ATP8A1: variants seen among roughly 807,000 people sequenced by gnomAD.
The protein encoded by ATP8A1 is phospholipid-transporting ATPase IA.
Under a neutral mutation model 177.7 loss-of-function variants are expected in ATP8A1, and 90 were observed. That is an observed-to-expected ratio of 0.51 (90% CI 0.43 to 0.60). The LOEUF is 0.60. Ranked by LOEUF, ATP8A1 falls within the 20% of genes least tolerant of loss-of-function variation. The probability of loss-of-function intolerance (pLI) is 0.00; values close to 1 mark genes in which losing one functional copy is unlikely to be tolerated. For missense variants in ATP8A1, 1,072 were observed against 1,392.8 expected, an observed-to-expected ratio of 0.77 and a Z score of 3.67; for synonymous variants, 493 against 485.9, an observed-to-expected ratio of 1.01 and a Z score of -0.19.
intron 9 of ATP8A1, among the ~76,000 whole-genome samples, chr4:42,582,444 A>C (rs749556699): frequency 6.6e-6 from 1 of 151,838 alleles, no homozygotes; most frequent in Non-Finnish European, 1.5e-5. Flanking sequence ...GGGGATAAGG[A>C]ATCTGTCTAC....
At chr4:42,454,825 C>T (rs940829468) in intron 29 of ATP8A1, among the ~76,000 whole-genome samples, 1 of 152,094 alleles carries the variant, frequency 6.6e-6, no homozygotes, top group Non-Finnish European at 1.5e-5. Flanking sequence ...CACAATCAAT[C>T]TAAAATTCTA....
Position 42,586,420 on chromosome 4 carries a change from G to C in ATP8A1, c.651C>G (p.Gly217=). The part of the protein sequence containing the change: ...KDVDSLMRIS[G]RIECESPNRH... Reference sequence around the variant, plus strand: ...TGTTTGGACTTTCACACTCAATTCTGCCAGAAATCCTCATCAAACTGTCAA... The same window carrying C: ...TGTTTGGACTTTCACACTCAATTCTCCCAGAAATCCTCATCAAACTGTCAA... The change falls in exon 9 of 37, where the codon GGC becomes GGG. Residue 217 remains glycine, a synonymous_variant. Coordinates refer to ENST00000381668, the MANE Select transcript of ATP8A1 (RefSeq NM_006095.2). The C allele has an allele frequency of 6.2e-7, 1 of 1,614,036 alleles. No individual in the cohort carries two copies. The highest frequency in any genetic ancestry group is 8.5e-7 in the Non-Finnish European group (1 of 1,179,938).
rs1357649471 is a variant in ATP8A1 at position 42,600,495 on chromosome 4, T to C, written c.433A>G (p.Ile145Val). Residue 145 changes from isoleucine to valine, a missense_variant, in exon 6 of 37, where the codon ATT becomes GTT. By Grantham distance (29) the Ile-to-Val change is conservative (BLOSUM62 3). This residue lies in a region of ATP8A1 where 344 missense variants were observed against 393.5 expected (regional missense o/e 0.87). Transcript: ENST00000381668. ...TQVLRNGAWE[I>V]VHWEKVAVGE... ...GTGCATACCTTTTCCCAGTGGACAATTTCCCAAGCACCATTTCTCAAAACT... is the reference window on the plus strand; with the variant it reads ...GTGCATACCTTTTCCCAGTGGACAACTTCCCAAGCACCATTTCTCAAAACT... 2 of 1,610,366 alleles carry C rather than the reference T, an allele frequency of 1.2e-6. No homozygotes were observed. The highest frequency in any genetic ancestry group is 1.7e-6 in the Non-Finnish European group (2 of 1,178,632).
rs373047360 is a variant in ATP8A1 at position 42,553,227 on chromosome 4, G to A, written c.1414-617C>T. On this transcript the variant is annotated intron_variant, in intron 16 of 36. Coordinates refer to ENST00000381668, the MANE Select transcript of ATP8A1 (RefSeq NM_006095.2). ...AAGGCAGATGTAGCTGAATCTTGTCGTTGGAGGACAGGATAAAAATTCGAA... is the reference window on the plus strand; with the variant it reads ...AAGGCAGATGTAGCTGAATCTTGTCATTGGAGGACAGGATAAAAATTCGAA... 3.9e-4 allele frequency among the ~76,000 whole-genome samples: 59 copies of A among 152,292 alleles called. 1 individual carries two copies. The South Asian group carries it at 7.5e-3, about 19-fold the overall frequency.
intron 36 of ATP8A1, among the ~76,000 whole-genome samples, 156 bp downstream of exon 36, chr4:42,414,471 C>A (rs1485513681): frequency 6.6e-6 from 1 of 152,122 alleles, no homozygotes; most frequent in Non-Finnish European, 1.5e-5. Flanking sequence ...ATGGTTCTGA[C>A]CAATGGATTT....
rs1268066429 is a variant in ATP8A1, at chr4:42,575,621, C to G, written c.1206+1G>C. The stretch of plus-strand genomic sequence containing the variant: ...CATAATCAACAATAAATTGAGTTTA[C>G]CTGGCCAAGTTCCTCATTCAGATTA... On this transcript the variant is annotated splice_donor_variant, in intron 13 of 36. Transcript: ENST00000381668. LOFTEE classifies it high-confidence loss of function. 1.9e-6 allele frequency: 3 copies of G among 1,612,828 alleles called. No individual in the cohort carries two copies. The highest frequency in any genetic ancestry group is 2.7e-5 in the African/African-American group (2 of 74,978).
intron 29 of ATP8A1, among the ~76,000 whole-genome samples, chr4:42,453,366 C>T (rs557780374): frequency 3.9e-5 from 6 of 152,272 alleles, no homozygotes; most frequent in South Asian, 4.1e-4. Context: ...ACTGAAATCA[C>T]TAGAAAAATC....
chr4:42,653,715 A>T (rs529961701), intron 1 of ATP8A1, among the ~76,000 whole-genome samples: 2 of 152,346 alleles, frequency 1.3e-5, no homozygotes, highest in Admixed American at 6.5e-5. Flanking sequence ...TAAATAAGAA[A>T]TTAGATTCAA....
At chr4:42,614,400 T>C (rs763438903) in intron 5 of ATP8A1, among the ~76,000 whole-genome samples, 2 of 152,230 alleles carry the variant, frequency 1.3e-5, no homozygotes, top group Non-Finnish European at 2.9e-5. Flanking sequence ...TTACTGAATA[T>C]TCTGAGCAAT....
intron 22 of ATP8A1, among the ~76,000 whole-genome samples, chr4:42,514,716 A>ATCTGTAAGTTTTG (rs1560410405): frequency 6.6e-6 from 1 of 152,170 alleles, no homozygotes; most frequent in African/African-American, 2.4e-5. Context: ...TAACTTACAG[A>ATCTGTAAGTTTTG]TTATTAGCAT....
chr4:42,435,186 G>A (rs1271127895), intron 33 of ATP8A1, among the ~76,000 whole-genome samples: 1 of 152,106 alleles, frequency 6.6e-6, no homozygotes, highest in Non-Finnish European at 1.5e-5. Flanking sequence ...AGCACTTTGG[G>A]AGGCCAAGAT....
chr4:42,600,545 A>C (rs1735143407), intron 5 of ATP8A1, 27 bp from the exon 6 acceptor site: 2 of 1,602,148 alleles, frequency 1.2e-6, no homozygotes, highest in African/African-American at 2.7e-5. Context: ...TGACATTTTA[A>C]ACAACATGTT....
In ATP8A1 at chr4:42,637,158, C is replaced by T. The variant is rs7695316; in HGVS notation, c.50-10049G>A. ...TCCCTGTACCTCAACCGCTAGCTGGCTTTTCTGATCAACATGGAATGATGA... is the reference window on the plus strand; with the variant it reads ...TCCCTGTACCTCAACCGCTAGCTGGTTTTTCTGATCAACATGGAATGATGA... On this transcript the variant is annotated intron_variant, in intron 1 of 36. Transcript: ENST00000381668. 2.1e-3 allele frequency: 1,096 copies of T among 518,972 alleles called. 12 individuals carry two copies. The highest frequency in any genetic ancestry group is 0.02 in the African/African-American group (1,025 of 52,044). The allele number at this position is 518,972 out of a possible 1,614,324, so 32.1% of individuals were successfully genotyped here. A position where few individuals can be genotyped will look rare whatever the true frequency, so the allele number is the denominator to read the frequency against.
chr4:42,440,654 A>T (rs114416453), intron 33 of ATP8A1, among the ~76,000 whole-genome samples: 3,021 of 152,248 alleles, frequency 0.02, 59 homozygotes, highest in South Asian at 0.087. Flanking sequence ...TATAGTCCTT[A>T]CAGAACTACC....
intron 22 of ATP8A1, among the ~76,000 whole-genome samples, chr4:42,517,291 CAAA>C (rs34576268): frequency 1.9e-4 from 19 of 102,404 alleles, no homozygotes; most frequent in African/African-American, 4.2e-4. Flanking sequence ...GACTCCGTCT[CAAA>C]AAAAAAAAAA....
intron 11 of ATP8A1, among the ~76,000 whole-genome samples, 165 bp from the exon 12 acceptor site, chr4:42,578,552 T>C (rs1173439377): frequency 1.3e-5 from 2 of 152,164 alleles, no homozygotes; most frequent in African/African-American, 2.4e-5. Context: ...TCCTTCAAGA[T>C]AGAATTGCAT....
intron 7 of ATP8A1, among the ~76,000 whole-genome samples, chr4:42,589,729 T>A (rs908792621): frequency 6.6e-6 from 1 of 152,192 alleles, no homozygotes; most frequent in Non-Finnish European, 1.5e-5. Context: ...TATGTATACA[T>A]TTGAAACATA....
chr4:42,457,156 T>C lies in ATP8A1; in HGVS notation c.2620-1557A>G, dbSNP rs941182814. Among the ~76,000 whole-genome samples the C allele has an allele frequency of 2.0e-5, 3 of 152,158 alleles. No homozygotes were observed. In the South Asian group the frequency reaches 6.2e-4, roughly 32 times the overall value. On this transcript the variant is annotated intron_variant, in intron 27 of 36. Coordinates refer to ENST00000381668, the MANE Select transcript of ATP8A1 (RefSeq NM_006095.2). The stretch of plus-strand genomic sequence containing the variant: ...CTTTGCTACACATATTTATGGAAAA[T>C]TTTTGATAATTTGCCCTAAACAAAC...
chr4:42,453,432 A>G (rs1430547164), intron 29 of ATP8A1, among the ~76,000 whole-genome samples: 1 of 152,176 alleles, frequency 6.6e-6, no homozygotes, highest in Non-Finnish European at 1.5e-5. Context: ...TAAACACTCA[A>G]ATGGGTATAG....
Sources: gnomAD v4.1 joint callset for allele counts (sites outside exome capture counted in the v4.1 genomes callset) on GRCh38, gnomAD v4.1.1 for gene constraint, gnomAD v4.1.1 regional missense constraint, MANE v1.5 for transcripts, NCBI Gene and HGNC (gene_info 2026-07-23, HGNC 2026-07-21) for gene names.